CDK14: variants seen among roughly 807,000 people sequenced by gnomAD.
CDK14 encodes cyclin-dependent kinase 14.
In CDK14, 34 loss-of-function variants were observed where a neutral mutation model predicts 60.7. The ratio of observed to expected loss-of-function variants is 0.56; its 90% CI spans 0.43 to 0.75. CDK14 has a LOEUF of 0.75. Among genes scored for constraint, CDK14 ranks in the 30% least tolerant of loss-of-function variants. The pLI is 0.00. For missense variants in CDK14, 482 were observed against 564.1 expected (o/e 0.85, Z 1.47); for synonymous variants, 197 against 203.7 (o/e 0.97, Z 0.28).
At chr7:91,110,250 A>G (rs1390005672) in intron 12 of CDK14, among the ~76,000 whole-genome samples, 1 of 152,162 alleles carries the variant, frequency 6.6e-6, no homozygotes, top group Non-Finnish European at 1.5e-5. Context: ...TGTATTAACT[A>G]AATATCACAA....
intron 1 of CDK14, chr7:90,597,252 G>GTC (rs1280637930): frequency 6.5e-6 from 1 of 152,826 alleles, no homozygotes; most frequent in Non-Finnish European, 1.5e-5. Context: ...TGGGTGTTCA[G>GTC]TCTCGAGGTC....
At chr7:91,148,833 C>T (rs1251375620) in intron 14 of CDK14, among the ~76,000 whole-genome samples, 1 of 151,962 alleles carries the variant, frequency 6.6e-6, no homozygotes, top group Non-Finnish European at 1.5e-5. Context: ...TGCTATTTAC[C>T]AGGCACTATG....
intron 11 of CDK14, among the ~76,000 whole-genome samples, chr7:91,047,066 A>G (rs1797258538): frequency 6.6e-6 from 1 of 152,216 alleles, no homozygotes; most frequent in Non-Finnish European, 1.5e-5. Flanking sequence ...ATAGAAACCT[A>G]ACAATTTTAA....
intron 3 of CDK14, among the ~76,000 whole-genome samples, chr7:90,738,659 T>G (rs1803223298): frequency 6.6e-6 from 1 of 152,192 alleles, no homozygotes; most frequent in African/African-American, 2.4e-5. Flanking sequence ...TAAAGTGGTA[T>G]CTCAAGCCTA....
chr7:90,788,759 T>C (rs554996684), intron 4 of CDK14, among the ~76,000 whole-genome samples: 1 of 152,222 alleles, frequency 6.6e-6, no homozygotes, highest in East Asian at 1.9e-4. Flanking sequence ...AAAGAGACAT[T>C]CAAATTCTTT....
intron 8 of CDK14, among the ~76,000 whole-genome samples, chr7:90,943,293 A>G (rs1451468225): frequency 6.6e-6 from 1 of 152,192 alleles, no homozygotes; most frequent in Non-Finnish European, 1.5e-5. Flanking sequence ...AATTGAGACA[A>G]TCATAAGAAA....
chr7:90,925,312 G>C (rs1313469953), intron 8 of CDK14, among the ~76,000 whole-genome samples: 1 of 152,158 alleles, frequency 6.6e-6, no homozygotes, highest in South Asian at 2.1e-4. Flanking sequence ...GCTAATATTG[G>C]ATGTAGAAAC....
chr7:91,009,678 A>G (rs1474793277), intron 10 of CDK14, among the ~76,000 whole-genome samples: 1 of 151,772 alleles, frequency 6.6e-6, no homozygotes, highest in Non-Finnish European at 1.5e-5. Flanking sequence ...TTCCTTTTTT[A>G]TTGGATTACT....
chr7:90,936,592 T>A (rs1366877439), intron 8 of CDK14, among the ~76,000 whole-genome samples: 1 of 152,220 alleles, frequency 6.6e-6, no homozygotes, highest in Admixed American at 6.5e-5. Context: ...TCAGCCTTGT[T>A]AAATATCATT....
At chr7:90,738,320 T>C (rs1308368485) in intron 3 of CDK14, among the ~76,000 whole-genome samples, 1 of 152,216 alleles carries the variant, frequency 6.6e-6, no homozygotes, top group African/African-American at 2.4e-5. Flanking sequence ...GTTTATGTAA[T>C]ACATATAAAA....
At chr7:90,981,562 A>G (rs1383857009) in intron 9 of CDK14, among the ~76,000 whole-genome samples, 2 of 152,212 alleles carry the variant, frequency 1.3e-5, no homozygotes, top group African/African-American at 4.8e-5. Context: ...TTTATATACA[A>G]TTGTGATAAC....
chr7:90,972,954 C>T lies in CDK14; in HGVS notation c.948-11194C>T, dbSNP rs561570352. 8.5e-5 allele frequency among the ~76,000 whole-genome samples: 13 copies of T among 152,290 alleles called. No individual in the cohort carries two copies. The South Asian group carries it at 2.5e-3, about 29-fold the overall frequency. ...TAGAATCTGAATTCTAAGAAGATCT[C>T]CATGTGGTTAGCATACACATTAAAG... On this transcript the variant is annotated intron_variant, in intron 9 of 14. Transcript: ENST00000380050.
At chr7:90,682,158 G>A (rs910502572) in intron 2 of CDK14, among the ~76,000 whole-genome samples, 1 of 151,772 alleles carries the variant, frequency 6.6e-6, no homozygotes, top group Non-Finnish European at 1.5e-5. Flanking sequence ...CTAGTTACAG[G>A]TCCTGAATAT....
chr7:90,637,711 A>C (rs1389261902), intron 2 of CDK14, among the ~76,000 whole-genome samples: 9 of 143,554 alleles, frequency 6.3e-5, no homozygotes, highest in Non-Finnish European at 1.1e-4. Flanking sequence ...TGTCTCGTTG[A>C]TCTGTCTAAT....
At chr7:90,877,153 G>A (rs1027720154) in intron 6 of CDK14, among the ~76,000 whole-genome samples, 3 of 152,088 alleles carry the variant, frequency 2.0e-5, no homozygotes, top group African/African-American at 7.2e-5. Context: ...CCTTTTTACA[G>A]TCTGTGTATA....
chr7:91,066,056 C>T (rs1052511166), intron 11 of CDK14, among the ~76,000 whole-genome samples: 1 of 152,104 alleles, frequency 6.6e-6, no homozygotes. Flanking sequence ...CGGCTTTTTG[C>T]TTAAATCATT....
chr7:90,790,276 C>A (rs10275760), intron 4 of CDK14, among the ~76,000 whole-genome samples: 97,300 of 151,726 alleles, frequency 0.64, 31,626 homozygotes, highest in East Asian at 0.96. Flanking sequence ...TAATCTGAGA[C>A]TAATTATCAA....
At chr7:91,086,393 CCTT>C (rs1316319485) in intron 12 of CDK14, among the ~76,000 whole-genome samples, 7 of 152,160 alleles carry the variant, frequency 4.6e-5, no homozygotes, top group Admixed American at 4.6e-4. Flanking sequence ...ATTCCTTTCT[CCTT>C]CTTGTGTTGT....
At chr7:90,678,223 G>A (rs1048601826) in intron 2 of CDK14, among the ~76,000 whole-genome samples, 4 of 152,194 alleles carry the variant, frequency 2.6e-5, no homozygotes, top group Non-Finnish European at 5.9e-5. Flanking sequence ...AGGATGGGCG[G>A]TTGGTGGGTT....
Sources: allele counts gnomAD v4.1 joint callset (sites outside exome capture counted in the v4.1 genomes callset), GRCh38; gene constraint gnomAD v4.1.1; transcripts MANE v1.5; gene names NCBI Gene and HGNC (gene_info 2026-07-23, HGNC 2026-07-21).